Variants in FAT3 observed in about 807,000 individuals in gnomAD.
FAT3 encodes FAT atypical cadherin 3.
FAT3 carries 95 observed loss-of-function variants against 310.2 expected under a neutral mutation model. The ratio of observed to expected loss-of-function variants is 0.31; its 90% CI spans 0.26 to 0.36. The LOEUF is 0.36. Ranked by LOEUF, FAT3 falls within the 10% of genes least tolerant of loss-of-function variation. The pLI is 1.00. For synonymous variants in FAT3, 2,314 were observed against 2,192.9 expected, an observed-to-expected ratio of 1.06 and a Z score of -1.54; for missense variants, 5,408 against 5,715.6, an observed-to-expected ratio of 0.95 and a Z score of 1.74.
chr11:92,562,400 T>C (rs2135473587), intron 3 of FAT3, among the ~76,000 whole-genome samples: 1 of 152,286 alleles, frequency 6.6e-6, no homozygotes, highest in African/African-American at 2.4e-5. Context: ...GGATTTTATT[T>C]CATGTTCTCC....
chr11:92,834,543 G>A (rs1019730073), intron 14 of FAT3, among the ~76,000 whole-genome samples: 2 of 152,188 alleles, frequency 1.3e-5, no homozygotes, highest in African/African-American at 2.4e-5. Context: ...ACACCTATCA[G>A]GGATGCTTGT....
At chr11:92,621,760 A>T (rs919631890) in intron 3 of FAT3, among the ~76,000 whole-genome samples, 1 of 152,216 alleles carries the variant, frequency 6.6e-6, no homozygotes, top group African/African-American at 2.4e-5. Context: ...GAATTCGTAT[A>T]TTAAGAATGG....
At chr11:92,415,849 CT>C (rs1196695394) in intron 2 of FAT3, among the ~76,000 whole-genome samples, 1,988 of 70,386 alleles carry the variant, frequency 0.028, 19 homozygotes, top group East Asian at 0.038. Context: ...AGCATTTTTG[CT>C]TTTTTTTTTT....
chr11:92,426,405 A>G (rs1183692881), intron 2 of FAT3, among the ~76,000 whole-genome samples: 1 of 152,000 alleles, frequency 6.6e-6, no homozygotes, highest in Admixed American at 6.6e-5. Context: ...CAATTTTGGC[A>G]TTTGTTGCAA....
At chr11:92,488,496 G>T (rs908470934) in intron 2 of FAT3, among the ~76,000 whole-genome samples, 4 of 97,126 alleles carry the variant, frequency 4.1e-5, no homozygotes, top group African/African-American at 1.7e-4. Flanking sequence ...TTACTCAGTA[G>T]ACCTGGCACA....
intron 1 of FAT3, among the ~76,000 whole-genome samples, chr11:92,245,854 G>A (rs1444199317): frequency 6.6e-6 from 1 of 152,082 alleles, no homozygotes; most frequent in East Asian, 1.9e-4. Flanking sequence ...TGAACATTCA[G>A]GTTTAAGAAA....
At chr11:92,440,916 T>C (rs1951051304) in intron 2 of FAT3, among the ~76,000 whole-genome samples, 1 of 152,190 alleles carries the variant, frequency 6.6e-6, no homozygotes, top group Non-Finnish European at 1.5e-5. Flanking sequence ...TTCCTTAACC[T>C]GACTGGGTCT....
At chr11:92,529,279 CAG>C (rs1209035072) in intron 3 of FAT3, among the ~76,000 whole-genome samples, 29 of 152,236 alleles carry the variant, frequency 1.9e-4, no homozygotes, top group African/African-American at 5.3e-4. Flanking sequence ...AGCTGAGTAA[CAG>C]GGGATCTTTG....
intron 8 of FAT3, among the ~76,000 whole-genome samples, chr11:92,791,472 C>G (rs1947038600): frequency 6.6e-6 from 1 of 152,192 alleles, no homozygotes; most frequent in Non-Finnish European, 1.5e-5. Context: ...GTGACTAACT[C>G]CATTCTCATG....
rs1040296483 is a variant in FAT3 at position 92,385,303 on chromosome 11, C to T, written c.3292+29899C>T. On this transcript the variant is annotated intron_variant, in intron 2 of 27. Coordinates refer to ENST00000525166, the MANE Select transcript of FAT3 (RefSeq NM_001367949.2). ...AAATGGGCTGGTGTTTCCAAGTGTCCGTAGGTAGAGAGTCTAGAAGTGGAC... is the reference window on the plus strand; with the variant it reads ...AAATGGGCTGGTGTTTCCAAGTGTCTGTAGGTAGAGAGTCTAGAAGTGGAC... Among the ~76,000 whole-genome samples, 5 of 152,030 alleles carry T rather than the reference C, an allele frequency of 3.3e-5. 1 individual carries two copies. In the South Asian group the frequency reaches 6.2e-4, roughly 19 times the overall value.
chr11:92,525,810 A>G (rs971022473), intron 3 of FAT3, among the ~76,000 whole-genome samples: 1 of 152,168 alleles, frequency 6.6e-6, no homozygotes, highest in Non-Finnish European at 1.5e-5. Context: ...GTTGGTGTGA[A>G]CAAACTCAGC....
intron 2 of FAT3, among the ~76,000 whole-genome samples, chr11:92,494,476 A>G (rs374394266): frequency 1.3e-5 from 2 of 152,064 alleles, no homozygotes; most frequent in East Asian, 3.9e-4. Context: ...AGTACACTGT[A>G]GCTTCTACTT....
intron 3 of FAT3, among the ~76,000 whole-genome samples, chr11:92,567,560 C>T (rs1200309479): frequency 2.6e-5 from 4 of 151,538 alleles, no homozygotes; most frequent in African/African-American, 4.9e-5. Context: ...GACTATAGAT[C>T]ATGCTGCTAT....
At chr11:92,386,493 G>A (rs759177999) in intron 2 of FAT3, among the ~76,000 whole-genome samples, 15 of 152,178 alleles carry the variant, frequency 9.9e-5, no homozygotes, top group Non-Finnish European at 2.2e-4. Flanking sequence ...CTAGTTCATT[G>A]CCTACTGCAA....
At chr11:92,713,714 T>A (rs1212411031) in intron 4 of FAT3, among the ~76,000 whole-genome samples, 2 of 152,200 alleles carry the variant, frequency 1.3e-5, no homozygotes, top group Non-Finnish European at 2.9e-5. Context: ...TTTCAGAAAA[T>A]TGAAGGCTAG....
chr11:92,366,239 T>C (rs1949018842), intron 2 of FAT3, among the ~76,000 whole-genome samples: 1 of 152,184 alleles, frequency 6.6e-6, no homozygotes, highest in Non-Finnish European at 1.5e-5. Flanking sequence ...TTCGACTCTC[T>C]TGGACAAGGA....
At chr11:92,251,495 A>G (rs1487252894) in intron 1 of FAT3, among the ~76,000 whole-genome samples, 2 of 152,284 alleles carry the variant, frequency 1.3e-5, no homozygotes, top group East Asian at 1.9e-4. Flanking sequence ...AAATTGCCTC[A>G]TGATGATCTG....
chr11:92,428,641 C>T (rs1326001969), intron 2 of FAT3, among the ~76,000 whole-genome samples: 3 of 152,090 alleles, frequency 2.0e-5, no homozygotes, highest in African/African-American at 2.4e-5. Flanking sequence ...TCATTATTTA[C>T]TCAGTAGTCA....
In FAT3 at chr11:92,490,781, C is replaced by T. The variant is rs529718704; in HGVS notation, c.3293-33853C>T. On this transcript the variant is annotated intron_variant, in intron 2 of 27. Coordinates refer to ENST00000525166, the MANE Select transcript of FAT3 (RefSeq NM_001367949.2). ...ATAGAATTCATAAAACATTTTCTCACACATTAGCCTGTTCCCAGTCTTCTG... is the reference window on the plus strand; with the variant it reads ...ATAGAATTCATAAAACATTTTCTCATACATTAGCCTGTTCCCAGTCTTCTG... Among the ~76,000 whole-genome samples, 6 of 152,214 alleles carry T rather than the reference C, an allele frequency of 3.9e-5. No individual in the cohort carries two copies. In the South Asian group the frequency reaches 1.0e-3, roughly 26 times the overall value.
Sources: gnomAD v4.1 joint callset for allele counts (sites outside exome capture counted in the v4.1 genomes callset) on GRCh38, gnomAD v4.1.1 for gene constraint, MANE v1.5 for transcripts, NCBI Gene and HGNC (gene_info 2026-07-23, HGNC 2026-07-21) for gene names.